Variants in FIP1L1 observed in about 807,000 individuals in gnomAD.
The protein encoded by FIP1L1 is factor interacting with PAPOLA and CPSF1.
A neutral mutation model predicts 84.6 loss-of-function variants in FIP1L1; 21 were observed. That is an observed-to-expected ratio of 0.25 (90% CI 0.18 to 0.36). The LOEUF (loss-of-function observed/expected upper bound fraction) is 0.36. Ranked by LOEUF, FIP1L1 falls within the 10% of genes least tolerant of loss-of-function variation. The probability of loss-of-function intolerance (pLI) is 1.00; values close to 1 mark genes in which losing one functional copy is unlikely to be tolerated. For synonymous variants in FIP1L1, 263 were observed against 242.3 expected, an observed-to-expected ratio of 1.09 and a Z score of -0.80; for missense variants, 526 against 751.1, an observed-to-expected ratio of 0.70 and a Z score of 3.50.
rs771937636 is a variant in FIP1L1 at position 53,382,340 on chromosome 4, C to A, written c.228+5C>A. 1.9e-6 allele frequency: 3 copies of A among 1,610,476 alleles called. No individual in the cohort carries two copies. In the Admixed American group the frequency reaches 5.0e-5, roughly 27 times the overall value. On this transcript the variant is annotated splice_donor_5th_base_variant and intron_variant, in intron 4 of 17. Coordinates refer to ENST00000337488, the MANE Select transcript of FIP1L1 (RefSeq NM_030917.4). Reference sequence around the variant, plus strand: ...GAAAATGGTGTACCAAAACCGGTAACATAAGGCTTTGAAATCCAGTTACTG... The same window carrying A: ...GAAAATGGTGTACCAAAACCGGTAAAATAAGGCTTTGAAATCCAGTTACTG...
chr4:53,446,199 CT>C (rs35064200), intron 15 of FIP1L1, among the ~76,000 whole-genome samples: 24,900 of 148,454 alleles, frequency 0.17, 2,060 homozygotes, highest in South Asian at 0.23. Context: ...CCCTTCTCCC[CT>C]TTTTTTTTTG....
rs149990469 is a variant in FIP1L1, at chr4:53,397,591, C to G, written c.706-2139C>G. 3.6e-3 allele frequency among the ~76,000 whole-genome samples: 547 copies of G among 152,302 alleles called. 4 individuals are homozygous for G. The highest frequency in any genetic ancestry group is 6.4e-3 in the South Asian group (31 of 4,828). On this transcript the variant is annotated intron_variant, in intron 9 of 17. Transcript: ENST00000337488. ...AAAAGGAATTGTTGAAATCTCATTT[C>G]TCTGCCACACATAAGTGATAACCTC...
intron 13 of FIP1L1, among the ~76,000 whole-genome samples, chr4:53,430,296 G>A (rs1766007258): frequency 6.7e-6 from 1 of 149,502 alleles, no homozygotes; most frequent in Admixed American, 6.6e-5. Flanking sequence ...CACATAGGCA[G>A]TAGCATTATC....
intron 5 of FIP1L1, among the ~76,000 whole-genome samples, chr4:53,387,344 TGGA>T (rs1741642190): frequency 6.6e-6 from 1 of 152,120 alleles, no homozygotes; most frequent in Admixed American, 6.6e-5. Flanking sequence ...TGGTTGTGGA[TGGA>T]GGAGGAGATA....
At position 53,459,429 on chromosome 4, in the gene FIP1L1, G is replaced by A. The variant is rs769413240; in HGVS notation, c.1765G>A (p.Glu589Lys). The change falls in exon 18 of 18, where the codon GAA becomes AAA. Residue 589 changes from glutamate to lysine, a missense_variant. Glu to Lys is a moderately conservative substitution (Grantham distance 56, BLOSUM62 1). Around this residue, in one of 6 missense-constraint regions of FIP1L1, gnomAD observed 89 missense variants for 169.0 expected, o/e 0.53. Coordinates refer to ENST00000337488, the MANE Select transcript of FIP1L1 (RefSeq NM_030917.4). ...SEPAPEQESTEATPAE is the reference protein window; with the variant it reads ...SEPAPEQESTKATPAE ...GCCTGCCCCTGAACAGGAGAGCACC[G>A]AAGCTACACCTGCAGAATAGGCATG... 6 of 1,613,066 alleles carry A rather than the reference G, an allele frequency of 3.7e-6. No individual in the cohort carries two copies. The highest frequency in any genetic ancestry group is 1.1e-5 in the South Asian group (1 of 91,036).
At chr4:53,453,874 C>A (rs1717496605) in intron 16 of FIP1L1, among the ~76,000 whole-genome samples, 1 of 152,074 alleles carries the variant, frequency 6.6e-6, no homozygotes, top group African/African-American at 2.4e-5. Flanking sequence ...CAAAATTATC[C>A]ATTTTTTAAA....
intron 16 of FIP1L1, among the ~76,000 whole-genome samples, chr4:53,454,534 T>A (rs557684510): frequency 7.2e-5 from 11 of 152,224 alleles, no homozygotes; most frequent in Non-Finnish European, 1.6e-4. Context: ...GTATTACTAT[T>A]GTTAGGAAAA....
At chr4:53,444,172 AT>A in intron 15 of FIP1L1, 69 bp downstream of exon 15, 1 of 1,043,446 alleles carries the variant, frequency 9.6e-7, no homozygotes, top group Non-Finnish European at 1.5e-6. Context: ...TTTTAAAGCA[AT>A]AAAAACGTGT....
intron 1 of FIP1L1, 44 bp downstream of exon 1, chr4:53,377,967 C>A: frequency 6.8e-7 from 1 of 1,460,434 alleles, no homozygotes; most frequent in Non-Finnish European, 9.2e-7. Context: ...TCTCAGGCCT[C>A]CCCTCTTGGC....
At chr4:53,428,923 G>A (rs1765411648) in intron 13 of FIP1L1, among the ~76,000 whole-genome samples, 2 of 152,166 alleles carry the variant, frequency 1.3e-5, no homozygotes, top group African/African-American at 4.8e-5. Flanking sequence ...ATAGCTGCTT[G>A]TCCTCATCAG....
At chr4:53,402,568 G>A (rs1235388802) in intron 10 of FIP1L1, among the ~76,000 whole-genome samples, 1 of 152,152 alleles carries the variant, frequency 6.6e-6, no homozygotes, top group African/African-American at 2.4e-5. Flanking sequence ...TGGGCATTGC[G>A]AAGCAAACCT....
intron 13 of FIP1L1, among the ~76,000 whole-genome samples, chr4:53,441,303 G>A (rs1328041768): frequency 6.6e-6 from 1 of 151,900 alleles, no homozygotes; most frequent in Non-Finnish European, 1.5e-5. Context: ...TTGCAAGGGT[G>A]GGTCTAAATT....
At position 53,380,683 on chromosome 4, in the gene FIP1L1, TC is replaced by T. The variant is rs1192413113; in HGVS notation, c.170+1420del. On this transcript the variant is annotated intron_variant, in intron 3 of 17. Transcript: ENST00000337488. Reference sequence around the variant, plus strand: ...AAAAAATCCCCTATAGTCTTTTCACTCATTGGTATATTATCTGAAATGTTAT... The same window carrying T: ...AAAAAATCCCCTATAGTCTTTTCACTATTGGTATATTATCTGAAATGTTAT... Among the ~76,000 whole-genome samples the T allele has an allele frequency of 5.3e-5, 8 of 152,358 alleles. No individual in the cohort carries two copies. In the East Asian group the frequency reaches 7.7e-4, roughly 15 times the overall value.
At chr4:53,383,924 A>G (rs1739447049) in intron 5 of FIP1L1, 48 bp downstream of exon 5, 1 of 1,558,964 alleles carries the variant, frequency 6.4e-7, no homozygotes, top group Non-Finnish European at 8.7e-7. Context: ...CTATATAGTA[A>G]GGAGAGTGTG....
At chr4:53,403,123 G>A (rs932747985) in intron 10 of FIP1L1, among the ~76,000 whole-genome samples, 2 of 152,156 alleles carry the variant, frequency 1.3e-5, no homozygotes, top group African/African-American at 4.8e-5. Flanking sequence ...TAGGTGAAAG[G>A]AGTAGCTGGG....
At chr4:53,433,668 A>T (rs141769957) in intron 13 of FIP1L1, among the ~76,000 whole-genome samples, 21 of 152,304 alleles carry the variant, frequency 1.4e-4, no homozygotes, top group South Asian at 1.0e-3. Context: ...AATTCTGCTG[A>T]GTTGAAGAAG....
chr4:53,421,124 G>C (rs1450658665), intron 11 of FIP1L1, among the ~76,000 whole-genome samples: 1 of 152,130 alleles, frequency 6.6e-6, no homozygotes. Flanking sequence ...CTTGATTCTG[G>C]GTTGGCATAA....
In FIP1L1 at chr4:53,433,542, CT is replaced by C. The variant is rs1578889204; in HGVS notation, c.1174+5360del. Among the ~76,000 whole-genome samples, 6 of 151,250 alleles carry C rather than the reference CT, an allele frequency of 4.0e-5. No individual in the cohort carries two copies. The East Asian group carries it at 1.2e-3, about 29-fold the overall frequency. On this transcript the variant is annotated intron_variant, in intron 13 of 17. Coordinates refer to ENST00000337488, the MANE Select transcript of FIP1L1 (RefSeq NM_030917.4). ...ATTTTTTTTTTTGTAGTGGAGTTTACTGTAGAATAGAAGGTAAATTCAGTTA... is the reference window on the plus strand; with the variant it reads ...ATTTTTTTTTTTGTAGTGGAGTTTACGTAGAATAGAAGGTAAATTCAGTTA...
intron 9 of FIP1L1, among the ~76,000 whole-genome samples, chr4:53,398,468 T>C (rs1316643647): frequency 2.0e-5 from 3 of 152,178 alleles, no homozygotes; most frequent in Admixed American, 2.0e-4. Flanking sequence ...TAATGATTAG[T>C]TGGGAGGTAG....
Sources: gnomAD v4.1 joint callset for allele counts (sites outside exome capture counted in the v4.1 genomes callset) on GRCh38, gnomAD v4.1.1 for gene constraint, gnomAD v4.1.1 regional missense constraint, MANE v1.5 for transcripts, NCBI Gene and HGNC (gene_info 2026-07-23, HGNC 2026-07-21) for gene names.